The following TMEM181 variants were observed in gnomAD, a reference collection of about 807,000 sequenced individuals.
TMEM181 encodes transmembrane protein 181, also known as G protein-coupled receptor 178.
Under a neutral mutation model 71.9 loss-of-function variants are expected in TMEM181, and 39 were observed. The ratio of observed to expected loss-of-function variants is 0.54; its 90% CI spans 0.42 to 0.71. The LOEUF is 0.71. TMEM181 is among the 30% of genes least tolerant of loss of function. TMEM181 has a pLI of 0.00. For synonymous variants in TMEM181, 245 were observed against 228.8 expected (o/e 1.07, Z -0.64); for missense variants, 595 against 583.0 (o/e 1.02, Z -0.21).
At chr6:158,569,598 T>TC (rs1049214153) in intron 1 of TMEM181, among the ~76,000 whole-genome samples, 1 of 135,630 alleles carries the variant, frequency 7.4e-6, no homozygotes, top group African/African-American at 2.8e-5. Flanking sequence ...GCCCTTTCTC[T>TC]TTTTTTTTTT....
chr6:158,628,617 C>T (rs1159672320), intron 14 of TMEM181, 127 bp downstream of exon 14: 8 of 767,298 alleles, frequency 1.0e-5, no homozygotes, highest in Admixed American at 4.8e-5. Context: ...CCGGAGGCCT[C>T]GTCTCTGCTG....
At chr6:158,599,457 T>C (rs1784553327) in intron 6 of TMEM181, among the ~76,000 whole-genome samples, 1 of 152,246 alleles carries the variant, frequency 6.6e-6, no homozygotes, top group Admixed American at 6.5e-5. Flanking sequence ...GTGCTTCAGA[T>C]TTCAAAAGGA....
intron 1 of TMEM181, among the ~76,000 whole-genome samples, chr6:158,550,841 T>C (rs1259253421): frequency 6.7e-6 from 1 of 150,272 alleles, no homozygotes; most frequent in Non-Finnish European, 1.5e-5. Context: ...TTATAGTTTT[T>C]ATAGTGTATT....
chr6:158,607,366 A>C, intron 8 of TMEM181, 23 bp downstream of exon 8: 1 of 1,605,554 alleles, frequency 6.2e-7, no homozygotes, highest in South Asian at 1.1e-5. Context: ...ATTTTTACTT[A>C]GGAACTTTTC....
At chr6:158,622,991 G>C (rs1052655803) in intron 10 of TMEM181, among the ~76,000 whole-genome samples, 8 of 152,160 alleles carry the variant, frequency 5.3e-5, no homozygotes, top group African/African-American at 1.9e-4. Flanking sequence ...TAGCAGCCTG[G>C]TTCACATGAA....
intron 6 of TMEM181, among the ~76,000 whole-genome samples, chr6:158,594,379 G>T (rs974176937): frequency 6.6e-6 from 1 of 152,040 alleles, no homozygotes; most frequent in Non-Finnish European, 1.5e-5. Context: ...GATTACATGC[G>T]TGAGCCACTG....
chr6:158,611,533 T>A, intron 10 of TMEM181: 1 of 470,698 alleles, frequency 2.1e-6, no homozygotes. Context: ...TTACGAGAAC[T>A]ATCTTTGGAA....
At chr6:158,568,971 A>G (rs1001804855) in intron 1 of TMEM181, among the ~76,000 whole-genome samples, 1 of 152,088 alleles carries the variant, frequency 6.6e-6, no homozygotes, top group African/African-American at 2.4e-5. Context: ...TTTTGGCTCA[A>G]ATCTTTTTTA....
At chr6:158,573,550 T>C (rs748255875) in intron 2 of TMEM181, 27 bp downstream of exon 2, 4 of 1,563,310 alleles carry the variant, frequency 2.6e-6, no homozygotes, top group Non-Finnish European at 2.6e-6. Flanking sequence ...ACTCATTGAA[T>C]CTTTTGCCAT....
chr6:158,564,811 G>C (rs552625515), intron 1 of TMEM181, among the ~76,000 whole-genome samples: 1 of 152,338 alleles, frequency 6.6e-6, no homozygotes, highest in Admixed American at 6.5e-5. Context: ...TGGGCCAAAG[G>C]AGAAGAGATT....
intron 8 of TMEM181, 117 bp from the exon 9 acceptor site, chr6:158,608,216 C>G (rs1489422183): frequency 1.4e-6 from 1 of 725,798 alleles, no homozygotes; most frequent in Non-Finnish European, 1.9e-6. Flanking sequence ...AGGTGCTGAC[C>G]CCGCAGAGGT....
chr6:158,573,781 G>A (rs2128294335), intron 2 of TMEM181, among the ~76,000 whole-genome samples: 1 of 152,316 alleles, frequency 6.6e-6, no homozygotes, highest in East Asian at 1.9e-4. Context: ...TTGACCACAT[G>A]CCTTCATTGG....
intron 10 of TMEM181, chr6:158,609,827 C>A: frequency 4.2e-6 from 1 of 239,966 alleles, no homozygotes. Context: ...GGCATACTGG[C>A]AAAGGCTTTT....
intron 14 of TMEM181, among the ~76,000 whole-genome samples, chr6:158,629,489 G>A (rs1293738578): frequency 1.3e-5 from 2 of 152,146 alleles, no homozygotes; most frequent in Non-Finnish European, 2.9e-5. Context: ...GTGGGTCCAG[G>A]TTTCCACTGA....
chr6:158,585,741 CCTT>C (rs1783731494), intron 5 of TMEM181, among the ~76,000 whole-genome samples: 1 of 152,174 alleles, frequency 6.6e-6, no homozygotes, highest in Non-Finnish European at 1.5e-5. Flanking sequence ...GTGTGTGTGA[CCTT>C]CTGCCCAGTG....
At chr6:158,578,482 A>G (rs1241048233) in intron 2 of TMEM181, among the ~76,000 whole-genome samples, 1 of 152,234 alleles carries the variant, frequency 6.6e-6, no homozygotes, top group African/African-American at 2.4e-5. Context: ...ACATAGTTTA[A>G]GAGACTAATG....
chr6:158,585,202 A>C (rs1259866844), intron 4 of TMEM181, 102 bp from the exon 5 acceptor site: 3 of 1,313,448 alleles, frequency 2.3e-6, no homozygotes, highest in South Asian at 1.6e-5. Context: ...AAGGACCTTA[A>C]GCGTTTTCCT....
chr6:158,606,930 G>A (rs960562797), intron 7 of TMEM181, among the ~76,000 whole-genome samples: 2 of 152,232 alleles, frequency 1.3e-5, no homozygotes, highest in African/African-American at 2.4e-5. Context: ...TTTCCTCGCC[G>A]TGGTGGTGAG....
rs932100943 is a variant in TMEM181 at position 158,632,745 on chromosome 6, A to G, written c.*857A>G. 4 of 152,262 alleles carry G rather than the reference A, an allele frequency of 2.6e-5. No homozygotes were observed. The highest frequency in any genetic ancestry group is 9.6e-5 in the African/African-American group (4 of 41,466). The allele number at this position is 152,262 out of a possible 1,614,324, so 9.4% of individuals were successfully genotyped here. On this transcript the variant is annotated 3_prime_UTR_variant, in exon 17 of 17. Transcript: ENST00000684151. Reference sequence around the variant, plus strand: ...GCAATTCTGTTGAATATGAAATGCCATAGAGCTTTATTTATTTATGTAAGT... The same window carrying G: ...GCAATTCTGTTGAATATGAAATGCCGTAGAGCTTTATTTATTTATGTAAGT...
Sources: allele counts gnomAD v4.1 joint callset (sites outside exome capture counted in the v4.1 genomes callset), GRCh38; gene constraint gnomAD v4.1.1; transcripts MANE v1.5; gene names NCBI Gene and HGNC (gene_info 2026-07-23, HGNC 2026-07-21).